DYNC1I2: variants seen among roughly 807,000 people sequenced by gnomAD.
The protein encoded by DYNC1I2 is cytoplasmic dynein 1 intermediate chain 2.
In DYNC1I2, 53 loss-of-function variants were observed where a neutral mutation model predicts 88.6. The ratio of observed to expected loss-of-function variants is 0.60; its 90% confidence interval spans 0.48 to 0.75. The LOEUF is 0.75. Ranked by LOEUF, DYNC1I2 falls within the 30% of genes least tolerant of loss-of-function variation. The probability of loss-of-function intolerance (pLI) is 0.00; values close to 1 mark genes in which losing one functional copy is unlikely to be tolerated. For missense variants in DYNC1I2, 458 were observed against 766.6 expected, an observed-to-expected ratio of 0.60 and a Z score of 4.75; for synonymous variants, 198 against 254.6, an observed-to-expected ratio of 0.78 and a Z score of 2.12.
At chr2:171,715,759 A>G (rs1157632883) in intron 7 of DYNC1I2, among the ~76,000 whole-genome samples, 1 of 152,176 alleles carries the variant, frequency 6.6e-6, no homozygotes, top group Non-Finnish European at 1.5e-5. Flanking sequence ...AAAGCTTAAG[A>G]ATTTTCTGTT....
intron 2 of DYNC1I2, among the ~76,000 whole-genome samples, chr2:171,692,559 T>A (rs1255366657): frequency 1.3e-5 from 2 of 152,132 alleles, no homozygotes; most frequent in Non-Finnish European, 2.9e-5. Flanking sequence ...TGATTACATA[T>A]GAAGATAGAG....
intron 15 of DYNC1I2, among the ~76,000 whole-genome samples, chr2:171,731,488 C>T (rs1688607659): frequency 6.6e-6 from 1 of 152,172 alleles, no homozygotes; most frequent in Non-Finnish European, 1.5e-5. Flanking sequence ...CTCAGTGGCT[C>T]ACTCCTGTAA....
At chr2:171,697,861 GAAAAGAA>G (rs1685902848) in intron 3 of DYNC1I2, among the ~76,000 whole-genome samples, 1 of 108,536 alleles carries the variant, frequency 9.2e-6, no homozygotes, top group Non-Finnish European at 2.2e-5. Context: ...CTCAAGAAAA[GAAAAGAA>G]AAGAAAAGAA....
At chr2:171,719,327 A>G (rs10497375) in intron 7 of DYNC1I2, among the ~76,000 whole-genome samples, 4,410 of 152,268 alleles carry the variant, frequency 0.029, 89 homozygotes, top group Admixed American at 0.074. Flanking sequence ...GAGCTCTTAC[A>G]TTAAGTTTCT....
chr2:171,738,740 A>G (rs754550661), intron 15 of DYNC1I2, among the ~76,000 whole-genome samples: 2 of 152,240 alleles, frequency 1.3e-5, no homozygotes, highest in African/African-American at 2.4e-5. Flanking sequence ...ATTGGTGTGC[A>G]TCAGAATCAC....
chr2:171,728,402 T>C lies in DYNC1I2; in HGVS notation c.1241T>C (p.Met414Thr). The change falls in exon 13 of 18, where the codon ATG becomes ACG. Residue 414 changes from methionine to threonine, a missense_variant. Transcript: ENST00000397119. Reference protein sequence around the residue: ...DGKICSWSLDMLSHPQDSMEL... With the variant: ...DGKICSWSLDTLSHPQDSMEL... ...AAAATTTGTTCATGGAGTCTGGACATGCTTTCCCATCCACAGGTGGGTTAA... is the reference window on the plus strand; with the variant it reads ...AAAATTTGTTCATGGAGTCTGGACACGCTTTCCCATCCACAGGTGGGTTAA... 6.3e-7 allele frequency: 1 copy of C among 1,592,840 alleles called. No individual in the cohort carries two copies. The highest frequency in any genetic ancestry group is 8.5e-7 in the Non-Finnish European group (1 of 1,169,814).
rs1030047363 is a variant in DYNC1I2, at chr2:171,697,760, A to G, written c.226+4866A>G. ...GTAGTCCTAGCTACTGTGGAGGTTGAGGTGGGAGGATCAATTGAGTTTGCA... is the reference window on the plus strand; with the variant it reads ...GTAGTCCTAGCTACTGTGGAGGTTGGGGTGGGAGGATCAATTGAGTTTGCA... On this transcript the variant is annotated intron_variant, in intron 3 of 17. Coordinates refer to ENST00000397119, the MANE Select transcript of DYNC1I2 (RefSeq NM_001378.3). Among the ~76,000 whole-genome samples the G allele has an allele frequency of 2.0e-5, 3 of 151,534 alleles. No homozygotes were observed. In the South Asian group the frequency reaches 6.2e-4, roughly 31 times the overall value.
intron 3 of DYNC1I2, 98 bp from the exon 4 acceptor site, chr2:171,706,449 C>G (rs994134099): frequency 1.0e-6 from 1 of 986,126 alleles, no homozygotes. Flanking sequence ...GGGGAAAGCA[C>G]TTGCTGTTTA....
Position 171,745,899 on chromosome 2 carries a change from G to A in DYNC1I2, c.1775G>A (p.Gly592Glu), listed in dbSNP as rs1239140851. ...GAGATTGCTGTGGGTGATTCTGAAG[G>A]ACAGATTGTTATATACGATGTGGGA... ...GREIAVGDSE[G>E]QIVIYDVGEQ... is the part of the protein sequence containing the mutation. Residue 592 changes from glycine (G) to glutamate (E), a missense_variant, in exon 17 of 18, where the codon GGA becomes GAA. Transcript: ENST00000397119. 1 of 1,613,854 alleles carries A rather than the reference G, an allele frequency of 6.2e-7. No homozygotes were observed. Among genetic ancestry groups the A allele is most frequent in the South Asian group, 1.1e-5 (1 of 91,072 alleles).
chr2:171,712,110 A>G (rs1036283476), intron 5 of DYNC1I2, among the ~76,000 whole-genome samples: 10 of 152,112 alleles, frequency 6.6e-5, no homozygotes, highest in Middle Eastern at 3.2e-3. Context: ...GGAAAAATCT[A>G]TTTTTTTCCT....
chr2:171,737,538 C>T (rs1689095001), intron 15 of DYNC1I2, among the ~76,000 whole-genome samples: 1 of 152,216 alleles, frequency 6.6e-6, no homozygotes, highest in Non-Finnish European at 1.5e-5. Context: ...ATGCCCCAGC[C>T]TCCCAAACAG....
chr2:171,745,994 T>C, intron 17 of DYNC1I2, 67 bp downstream of exon 17: 3 of 1,576,718 alleles, frequency 1.9e-6, no homozygotes, highest in Non-Finnish European at 2.6e-6. Context: ...GGCATCTTTG[T>C]GGCTAACCCT....
In DYNC1I2 at chr2:171,729,771, A is replaced by T. The variant is rs1688486822; in HGVS notation, c.1454A>T (p.His485Leu). The T allele has an allele frequency of 1.2e-6, 2 of 1,613,520 alleles. No homozygotes were observed. The highest frequency in any genetic ancestry group is 1.7e-6 in the Non-Finnish European group (2 of 1,179,770). Reference protein sequence around the residue: ...HQGPITGIHCHAAVGAVDFSH... With the variant: ...HQGPITGIHCLAAVGAVDFSH... ...GGACCAATCACTGGCATCCATTGTCATGCAGCTGTTGGAGCAGTAGACTTC... is the reference window on the plus strand; with the variant it reads ...GGACCAATCACTGGCATCCATTGTCTTGCAGCTGTTGGAGCAGTAGACTTC... Residue 485 changes from histidine (H) to leucine (L), a missense_variant, in exon 15 of 18, where the codon CAT (histidine) becomes CTT (leucine). By Grantham distance (99) the His-to-Leu change is moderately conservative. Around this residue, in one of 5 missense-constraint regions of DYNC1I2, gnomAD observed 188 missense variants for 300.4 expected, o/e 0.63. Transcript: ENST00000397119.
Position 171,725,600 on chromosome 2 carries a change from T to G in DYNC1I2, c.512-18T>G. The stretch of plus-strand genomic sequence containing the variant: ...TCTGTTTTTTTGTTTTTTTGTTTGT[T>G]TTTTTTTTTTTTTTCAGATGAAGAG... On this transcript the variant is annotated intron_variant, in intron 7 of 17. Coordinates refer to ENST00000397119, the MANE Select transcript of DYNC1I2 (RefSeq NM_001378.3). 1 of 1,049,654 alleles carries G rather than the reference T, an allele frequency of 9.5e-7. No individual in the cohort carries two copies. Among genetic ancestry groups the G allele is most frequent in the Non-Finnish European group, 1.3e-6 (1 of 790,118 alleles). The allele number at this position is 1,049,654 out of a possible 1,614,324, so 65.0% of individuals were successfully genotyped here. A position where few individuals can be genotyped will look rare whatever the true frequency, so the allele number is the denominator to read the frequency against.
At chr2:171,694,988 C>T (rs1401918328) in intron 3 of DYNC1I2, among the ~76,000 whole-genome samples, 1 of 152,120 alleles carries the variant, frequency 6.6e-6, no homozygotes, top group Non-Finnish European at 1.5e-5. Flanking sequence ...CTTGAAAGAC[C>T]ATTCTTTAGG....
chr2:171,736,375 G>A (rs370659742), intron 15 of DYNC1I2, among the ~76,000 whole-genome samples: 3 of 152,300 alleles, frequency 2.0e-5, no homozygotes, highest in East Asian at 3.9e-4. Flanking sequence ...ATTGGAGAAT[G>A]TCAATTTATT....
intron 7 of DYNC1I2, among the ~76,000 whole-genome samples, chr2:171,719,999 A>G (rs964701781): frequency 2.7e-5 from 4 of 148,016 alleles, no homozygotes; most frequent in African/African-American, 9.9e-5. Context: ...AAAAAATGGC[A>G]TTATTTTTTC....
Position 171,725,598 on chromosome 2 carries a change from GTTTTTT to G in DYNC1I2, c.512-9_512-4del. On this transcript the variant is annotated splice_polypyrimidine_tract_variant and intron_variant, in intron 7 of 17. Transcript: ENST00000397119. ...ATTCTGTTTTTTTGTTTTTTTGTTT[GTTTTTT>G]TTTTTTTTTTCAGATGAAGAGGAAG... 1 of 894,238 alleles carries G rather than the reference GTTTTTT, an allele frequency of 1.1e-6. No homozygotes were observed. The highest frequency in any genetic ancestry group is 1.5e-6 in the Non-Finnish European group (1 of 655,478). 55.4% of individuals were successfully genotyped at this position (894,238 alleles called of 1,614,324 possible). A position where few individuals can be genotyped will look rare whatever the true frequency, so the allele number is the denominator to read the frequency against.
intron 12 of DYNC1I2, 28 bp downstream of exon 12, chr2:171,727,995 G>T: frequency 6.2e-7 from 1 of 1,606,076 alleles, no homozygotes; most frequent in Non-Finnish European, 8.5e-7. Flanking sequence ...TTTCCATTAG[G>T]CTTCTGTGCT....
Sources: allele counts gnomAD v4.1 joint callset (sites outside exome capture counted in the v4.1 genomes callset), GRCh38; gene constraint gnomAD v4.1.1; regional missense constraint gnomAD v4.1.1; transcripts MANE v1.5; gene names NCBI Gene and HGNC (gene_info 2026-07-23, HGNC 2026-07-21).